HEATR1: variants seen among roughly 807,000 people sequenced by gnomAD.
HEATR1 encodes HEAT repeat-containing protein 1.
A neutral mutation model predicts 248.2 loss-of-function variants in HEATR1; 77 were observed. That is an observed-to-expected ratio of 0.31 (90% CI 0.26 to 0.37). HEATR1 has a LOEUF of 0.37. Ranked by LOEUF, HEATR1 falls within the 10% of genes least tolerant of loss-of-function variation. HEATR1 has a pLI of 1.00. For missense variants in HEATR1, 2,420 were observed against 2,504.9 expected, an observed-to-expected ratio of 0.97 and a Z score of 0.72; for synonymous variants, 897 against 923.1, an observed-to-expected ratio of 0.97 and a Z score of 0.51.
intron 32 of HEATR1, among the ~76,000 whole-genome samples, 170 bp from the exon 33 acceptor site, chr1:236,561,441 T>C (rs904556291): frequency 1.3e-5 from 2 of 152,238 alleles, no homozygotes; most frequent in Middle Eastern, 3.2e-3. Flanking sequence ...GTAGTAACTC[T>C]ATTTCTCTTA....
In HEATR1 at chr1:236,563,514, C is replaced by T. The variant is rs962076393; in HGVS notation, c.4599+984G>A. Among the ~76,000 whole-genome samples the T allele has an allele frequency of 5.9e-5, 9 of 152,118 alleles. No homozygotes were observed. The East Asian group carries it at 1.2e-3, about 20-fold the overall frequency. On this transcript the variant is annotated intron_variant, in intron 32 of 44. Transcript: ENST00000366582. ...GTCTCGATCTCCTGACCTCATGATC[C>T]GCCCGCCTCGGCCTCCCAAAGTGCT...
Position 236,555,863 on chromosome 1 carries a change from T to C in HEATR1, c.5591A>G (p.Gln1864Arg), listed in dbSNP as rs755457626. ...VMKKEELTSH[Q>R]SQLTAFFLEA... is the part of the protein sequence containing the mutation. ...CAGGAAAAAGGCGGTTAGCTGAGAC[T>C]GATGGGAGGTGAGCTCTTCCTTCTT... The change falls in exon 39 of 45, where the codon CAG becomes CGG. Residue 1864 changes from glutamine to arginine, a missense_variant. Gln to Arg is a conservative substitution (Grantham distance 43). Coordinates refer to ENST00000366582, the MANE Select transcript of HEATR1 (RefSeq NM_018072.6). 1 of 1,613,756 alleles carries C rather than the reference T, an allele frequency of 6.2e-7. No individual in the cohort carries two copies. The highest frequency in any genetic ancestry group is 1.7e-5 in the Admixed American group (1 of 60,006).
At chr1:236,597,826 AAAGC>A in intron 5 of HEATR1, 48 bp downstream of exon 5, 2 of 1,183,750 alleles carry the variant, frequency 1.7e-6, no homozygotes, top group Non-Finnish European at 1.2e-6. Flanking sequence ...TTCTTCATTC[AAAGC>A]AAGCAATCTT....
chr1:236,568,895 A>AC, intron 29 of HEATR1, 101 bp downstream of exon 29: 1 of 621,608 alleles, frequency 1.6e-6, no homozygotes, highest in Non-Finnish European at 2.1e-6. Context: ...TAAAAAAAAA[A>AC]AACAAAAAAA....
chr1:236,571,753 G>GGCCA (rs1663433632), intron 26 of HEATR1, 67 bp from the exon 27 acceptor site: 2 of 1,160,890 alleles, frequency 1.7e-6, no homozygotes, highest in African/African-American at 3.1e-5. Flanking sequence ...TTACATTAAT[G>GGCCA]GCCATTGTCC....
intron 33 of HEATR1, among the ~76,000 whole-genome samples, chr1:236,560,238 A>C: frequency 6.6e-6 from 1 of 152,100 alleles, no homozygotes; most frequent in South Asian, 2.1e-4. Flanking sequence ...ACACACACGC[A>C]CACATACACA....
At chr1:236,558,175 G>T in intron 36 of HEATR1, 62 bp downstream of exon 36, 1 of 1,482,126 alleles carries the variant, frequency 6.7e-7, no homozygotes, top group African/African-American at 1.4e-5. Flanking sequence ...AGTCACCAAA[G>T]TGTTATTTTT....
chr1:236,551,086 C>T (rs1177431507), intron 44 of HEATR1, 96 bp from the exon 45 acceptor site: 1 of 883,746 alleles, frequency 1.1e-6, no homozygotes, highest in African/African-American at 1.7e-5. Context: ...CACTTTCCGG[C>T]AATCATTCAA....
chr1:236,588,589 T>C (rs1233385819), intron 12 of HEATR1, among the ~76,000 whole-genome samples: 1 of 152,190 alleles, frequency 6.6e-6, no homozygotes, highest in Non-Finnish European at 1.5e-5. Flanking sequence ...ATTATCTAAA[T>C]TTTTACAAGG....
intron 21 of HEATR1, 38 bp from the exon 22 acceptor site, chr1:236,576,415 A>G (rs1663563252): frequency 7.0e-7 from 1 of 1,421,826 alleles, no homozygotes; most frequent in African/African-American, 1.4e-5. Flanking sequence ...AAAAAGGGTT[A>G]AGAAACTACA....
intron 3 of HEATR1, 44 bp from the exon 4 acceptor site, chr1:236,599,668 T>C: frequency 6.5e-7 from 1 of 1,543,592 alleles, no homozygotes; most frequent in Non-Finnish European, 8.8e-7. Context: ...CAAAACTTAA[T>C]AATAAGCACC....
intron 35 of HEATR1, among the ~76,000 whole-genome samples, 165 bp downstream of exon 35, chr1:236,558,830 C>T (rs1313359241): frequency 6.6e-6 from 1 of 152,286 alleles, no homozygotes. Flanking sequence ...CACATATATT[C>T]CCGTTAGAAT....
chr1:236,569,232 G>C (rs916361130), intron 28 of HEATR1, 108 bp from the exon 29 acceptor site: 3 of 787,912 alleles, frequency 3.8e-6, no homozygotes, highest in African/African-American at 3.6e-5. Flanking sequence ...ATGCAGTGCA[G>C]TTGTGTGATC....
At chr1:236,595,696 A>G (rs758319160) in intron 7 of HEATR1, 23 bp from the exon 8 acceptor site, 1 of 1,603,588 alleles carries the variant, frequency 6.2e-7, no homozygotes, top group South Asian at 1.1e-5. Flanking sequence ...AAAAGTACAT[A>G]TCGTGTTGAC....
intron 7 of HEATR1, 47 bp from the exon 8 acceptor site, chr1:236,595,720 C>A: frequency 6.4e-7 from 1 of 1,555,162 alleles, no homozygotes; most frequent in South Asian, 1.2e-5. Flanking sequence ...ACAAGTTAGA[C>A]AATGAGTAAC....
intron 19 of HEATR1, among the ~76,000 whole-genome samples, 171 bp from the exon 20 acceptor site, chr1:236,581,585 G>A (rs1485763286): frequency 6.6e-6 from 1 of 152,214 alleles, no homozygotes; most frequent in Non-Finnish European, 1.5e-5. Flanking sequence ...GAACTGGGAA[G>A]ATGTCAATGA....
At position 236,556,265 on chromosome 1, in the gene HEATR1, G is replaced by A; in HGVS notation, c.5356-7C>T. ...TTTTCTCCAGATGAATCACCTACAG[G>A]AATATAAAAAAAGTGATCAGGGCCA... On this transcript the variant is annotated splice_region_variant and splice_polypyrimidine_tract_variant and intron_variant, in intron 37 of 44. Transcript: ENST00000366582. 6.2e-7 allele frequency: 1 copy of A among 1,613,580 alleles called. No homozygotes were observed. Among genetic ancestry groups the A allele is most frequent in the South Asian group, 1.1e-5 (1 of 91,044 alleles).
At chr1:236,578,887 C>T (rs933887314) in intron 20 of HEATR1, among the ~76,000 whole-genome samples, 2 of 152,018 alleles carry the variant, frequency 1.3e-5, no homozygotes, top group African/African-American at 4.8e-5. Flanking sequence ...AGACCAACTG[C>T]GCTAGGGTTT....
At position 236,551,366 on chromosome 1, in the gene HEATR1, TC is replaced by T. The variant is rs563809746; in HGVS notation, c.6347-377del. The T allele has an allele frequency of 6.8e-4, 127 of 187,294 alleles. 2 individuals are homozygous for T. The highest frequency in any genetic ancestry group is 1.2e-3 in the Non-Finnish European group (107 of 91,226). 11.6% of individuals were successfully genotyped at this position (187,294 alleles called of 1,614,324 possible). ...ACTGATCTACTTGCTCCACCACCCC[TC>T]CCTTAATAATAACATTTACTGTTAT... is the stretch of plus-strand genomic sequence containing the variant. On this transcript the variant is annotated intron_variant, in intron 44 of 44. Coordinates refer to ENST00000366582, the MANE Select transcript of HEATR1 (RefSeq NM_018072.6).
Sources: gnomAD v4.1 joint callset for allele counts (sites outside exome capture counted in the v4.1 genomes callset) on GRCh38, gnomAD v4.1.1 for gene constraint, MANE v1.5 for transcripts, NCBI Gene and HGNC (gene_info 2026-07-23, HGNC 2026-07-21) for gene names.